Variants in TSPAN16 observed in about 807,000 individuals in gnomAD.
TSPAN16 encodes tetraspanin 16, also known as tetraspanin-16.
A neutral mutation model predicts 25.2 loss-of-function variants in TSPAN16; 23 were observed. The ratio of observed to expected loss-of-function variants is 0.91; its 90% CI spans 0.66 to 1.29. The LOEUF (loss-of-function observed/expected upper bound fraction) is 1.29, where lower values mean the gene tolerates loss of function less well. Ranked by LOEUF, TSPAN16 falls within the 50% of genes most tolerant of loss-of-function variation. The pLI is 0.00. For synonymous variants in TSPAN16, 123 were observed against 124.4 expected (o/e 0.99, Z 0.08); for missense variants, 272 against 299.9 (o/e 0.91, Z 0.69).
downstream of TSPAN16, among the ~76,000 whole-genome samples, chr19:11,319,366 A>G (rs1190843992): frequency 6.6e-6 from 1 of 152,152 alleles, no homozygotes; most frequent in Admixed American, 6.5e-5. Context: ...CTGGGAGGCC[A>G]AGGCGGGCGG....
At chr19:11,298,074 A>G in intron 1 of TSPAN16, 68 bp from the exon 2 acceptor site, 6 of 1,543,980 alleles carry the variant, frequency 3.9e-6, no homozygotes, top group Non-Finnish European at 5.4e-6. Context: ...GAGCCACCGC[A>G]CTCACCCAGT....
In TSPAN16 at chr19:11,308,595, T is replaced by C. The variant is rs562440617; in HGVS notation, c.603+1839T>C. On this transcript the variant is annotated intron_variant, in intron 5 of 6. Coordinates refer to ENST00000590327, the MANE Select transcript of TSPAN16 (RefSeq NM_001282509.2). ...ATGCCATTCTCCTGCCTCAGCCTCC[T>C]GAGTAGCTGGGACTACAGGCTCCTG... Among the ~76,000 whole-genome samples, 43 of 152,052 alleles carry C rather than the reference T, an allele frequency of 2.8e-4. 1 individual carries two copies. Among genetic ancestry groups the C allele is most frequent in the African/African-American group, 1.0e-3 (43 of 41,486 alleles).
downstream of TSPAN16, among the ~76,000 whole-genome samples, chr19:11,320,819 G>A (rs927952480): frequency 6.6e-6 from 1 of 152,156 alleles, no homozygotes; most frequent in Non-Finnish European, 1.5e-5. Context: ...GAGCTTTGTT[G>A]TATTAGTCTG....
chr19:11,315,611 G>A (rs1360823439), intron 6 of TSPAN16, among the ~76,000 whole-genome samples, 180 bp from the exon 7 acceptor site: 1 of 151,880 alleles, frequency 6.6e-6, no homozygotes, highest in African/African-American at 2.4e-5. Flanking sequence ...AATAAGTGGA[G>A]ACGAATGCAC....
At chr19:11,318,942 C>T (rs1035924868), downstream of TSPAN16, among the ~76,000 whole-genome samples, 1 of 152,218 alleles carries the variant, frequency 6.6e-6, no homozygotes, top group Non-Finnish European at 1.5e-5. Context: ...CCACTGCCCC[C>T]AGCCAGAAAT....
Position 11,301,203 on chromosome 19 carries a change from T to G in TSPAN16, c.345T>G (p.Val115=). Residue 115 remains valine, a splice_region_variant and synonymous_variant, in exon 4 of 7, where the codon GTT becomes GTG. Coordinates refer to ENST00000590327, the MANE Select transcript of TSPAN16 (RefSeq NM_001282509.2). ...TCACTTCCTGTCCTCTCTGTGAGGT[T>G]GGAGATGTGGCCTTGGAACACACCT... ...ATVVLLFFPI[V]GDVALEHTFV... is the part of the protein sequence containing the mutation. 5 of 1,613,598 alleles carry G rather than the reference T, an allele frequency of 3.1e-6. No homozygotes were observed. Among genetic ancestry groups the G allele is most frequent in the Non-Finnish European group, 4.2e-6 (5 of 1,179,662 alleles).
At chr19:11,322,379 C>T (rs981123784) in intron 6 of TSPAN16, 3 of 151,984 alleles carry the variant, frequency 2.0e-5, no homozygotes, top group African/African-American at 7.2e-5. Context: ...GAACTCCAAA[C>T]CCCTGTGGTC....
chr19:11,322,390 A>G (rs1314325462), intron 6 of TSPAN16: 1 of 151,996 alleles, frequency 6.6e-6, no homozygotes, highest in Non-Finnish European at 1.5e-5. Context: ...CCCTGTGGTC[A>G]TGGCAATTTC....
chr19:11,315,566 AAATAAATAAATAAATAAAAT>A (rs1261344489), intron 6 of TSPAN16, among the ~76,000 whole-genome samples: 1 of 150,892 alleles, frequency 6.6e-6, no homozygotes, highest in Non-Finnish European at 1.5e-5. Context: ...AAAAATAAAT[AAATAAATAAATAAATAAAAT>A]AATAATAAAT....
At chr19:11,302,642 CATATATATATACACATACATATATAT>C (rs1555703570) in intron 4 of TSPAN16, among the ~76,000 whole-genome samples, 3 of 130,542 alleles carry the variant, frequency 2.3e-5, no homozygotes, top group African/African-American at 9.7e-5. Context: ...TACACACATA[CATATATATATACACATACATATATAT>C]ATATATATAT....
chr19:11,316,811 C>CTTTT (rs71164185), downstream of TSPAN16, among the ~76,000 whole-genome samples: 1 of 129,620 alleles, frequency 7.7e-6, no homozygotes, highest in Non-Finnish European at 1.6e-5. Flanking sequence ...CCCCCCCCGC[C>CTTTT]TTTTTTTTTT....
intron 1 of TSPAN16, among the ~76,000 whole-genome samples, chr19:11,297,658 G>A (rs773765080): frequency 6.6e-6 from 1 of 151,896 alleles, no homozygotes; most frequent in African/African-American, 2.4e-5. Context: ...CACCACGCCC[G>A]GCCAATTTTT....
intron 5 of TSPAN16, 115 bp downstream of exon 5, chr19:11,306,871 A>G: frequency 9.2e-7 from 1 of 1,090,526 alleles, no homozygotes; most frequent in Non-Finnish European, 1.3e-6. Context: ...GCTGGAGTGC[A>G]GTGGTGCGAT....
intron 6 of TSPAN16, chr19:11,325,248 T>G: frequency 3.4e-6 from 2 of 591,462 alleles, no homozygotes; most frequent in Non-Finnish European, 5.9e-6. Flanking sequence ...CACGGCGACA[T>G]TGTGAAGGAA....
At chr19:11,324,652 T>G (rs2080800737) in intron 6 of TSPAN16, 2 of 152,478 alleles carry the variant, frequency 1.3e-5, no homozygotes, top group Admixed American at 1.3e-4. Flanking sequence ...AGAATTCACT[T>G]CAGGATCAGA....
chr19:11,309,717 A>G (rs1339891549), intron 5 of TSPAN16, among the ~76,000 whole-genome samples: 2 of 151,944 alleles, frequency 1.3e-5, no homozygotes, highest in African/African-American at 2.4e-5. Flanking sequence ...TGTTCTCCCC[A>G]CTCAAATGTC....
intron 6 of TSPAN16, among the ~76,000 whole-genome samples, chr19:11,315,354 G>C (rs917037551): frequency 1.3e-5 from 2 of 149,956 alleles, no homozygotes; most frequent in African/African-American, 4.9e-5. Context: ...TCAGGAGATC[G>C]AGACGATCCT....
At chr19:11,314,803 T>TG (rs759948799) in intron 6 of TSPAN16, among the ~76,000 whole-genome samples, 2 of 151,838 alleles carry the variant, frequency 1.3e-5, no homozygotes, top group Non-Finnish European at 2.9e-5. Context: ...AGGGAGGAAG[T>TG]GGGGAAGGAA....
At chr19:11,306,161 G>A (rs1053782229) in intron 4 of TSPAN16, among the ~76,000 whole-genome samples, 5 of 152,092 alleles carry the variant, frequency 3.3e-5, no homozygotes, top group Non-Finnish European at 5.9e-5. Context: ...CCAGCTACTC[G>A]GGAGACTGAG....
Sources: gnomAD v4.1 joint callset for allele counts (sites outside exome capture counted in the v4.1 genomes callset) on GRCh38, gnomAD v4.1.1 for gene constraint, MANE v1.5 for transcripts, NCBI Gene and HGNC (gene_info 2026-07-23, HGNC 2026-07-21) for gene names.